ADAMTS12: variants seen among roughly 807,000 people sequenced by gnomAD.
ADAMTS12 encodes ADAM metallopeptidase with thrombospondin type 1 motif 12.
A neutral mutation model predicts 167.8 loss-of-function variants in ADAMTS12; 118 were observed. The ratio of observed to expected loss-of-function variants is 0.70; its 90% CI spans 0.61 to 0.82. The LOEUF (loss-of-function observed/expected upper bound fraction) is 0.82, where lower values mean the gene tolerates loss of function less well. ADAMTS12 is among the 40% of genes least tolerant of loss of function. ADAMTS12 has a pLI of 0.00. For missense variants in ADAMTS12, 1,916 were observed against 1,998.8 expected (o/e 0.96, Z 0.79); for synonymous variants, 704 against 716.9 (o/e 0.98, Z 0.29).
At chr5:33,861,715 C>G (rs1442747826) in intron 2 of ADAMTS12, among the ~76,000 whole-genome samples, 1 of 152,194 alleles carries the variant, frequency 6.6e-6, no homozygotes, top group Non-Finnish European at 1.5e-5. Context: ...CCCAAATCAA[C>G]AGAATACACA....
chr5:33,656,343 A>G (rs896540215), intron 7 of ADAMTS12, among the ~76,000 whole-genome samples: 1 of 152,148 alleles, frequency 6.6e-6, no homozygotes, highest in African/African-American at 2.4e-5. Context: ...ACTTTATTAG[A>G]GAAAATTTGA....
chr5:33,804,447 A>C (rs1747143561), intron 2 of ADAMTS12, among the ~76,000 whole-genome samples: 2 of 152,200 alleles, frequency 1.3e-5, no homozygotes, highest in African/African-American at 4.8e-5. Context: ...ATGAGGGGCC[A>C]AGCCCAGCTC....
At chr5:33,890,368 T>C (rs987055362) in intron 1 of ADAMTS12, among the ~76,000 whole-genome samples, 4 of 152,220 alleles carry the variant, frequency 2.6e-5, no homozygotes, top group Non-Finnish European at 5.9e-5. Flanking sequence ...CTGGACCGTT[T>C]ACACAAGTGA....
At chr5:33,790,611 G>A (rs1228957717) in intron 2 of ADAMTS12, among the ~76,000 whole-genome samples, 1 of 150,082 alleles carries the variant, frequency 6.7e-6, no homozygotes, top group East Asian at 1.9e-4. Flanking sequence ...GGATTTGTCT[G>A]TTGCTTTCTC....
chr5:33,676,166 A>C (rs1315693042), intron 5 of ADAMTS12, among the ~76,000 whole-genome samples: 1 of 152,228 alleles, frequency 6.6e-6, no homozygotes, highest in Non-Finnish European at 1.5e-5. Flanking sequence ...GACCTAGAAG[A>C]AATCATAGAA....
intron 22 of ADAMTS12, among the ~76,000 whole-genome samples, chr5:33,540,535 A>G (rs1053756566): frequency 6.6e-6 from 1 of 152,214 alleles, no homozygotes; most frequent in Admixed American, 6.5e-5. Flanking sequence ...TGTGTAGCCT[A>G]ACTGGAACAC....
intron 19 of ADAMTS12, among the ~76,000 whole-genome samples, chr5:33,569,375 G>A (rs1746188573): frequency 6.6e-6 from 1 of 152,180 alleles, no homozygotes; most frequent in African/African-American, 2.4e-5. Flanking sequence ...ACCTCACACG[G>A]TCAGGTACTC....
chr5:33,812,389 A>G (rs1485539368), intron 2 of ADAMTS12, among the ~76,000 whole-genome samples: 5 of 152,208 alleles, frequency 3.3e-5, no homozygotes, highest in African/African-American at 1.2e-4. Flanking sequence ...GCTTAAATGA[A>G]TATATCGAAA....
chr5:33,603,750 A>T (rs1425485882), intron 16 of ADAMTS12: 1 of 150,584 alleles, frequency 6.6e-6, no homozygotes, highest in East Asian at 1.9e-4. Flanking sequence ...ATATTTTAAA[A>T]ATTCAAAATA....
At chr5:33,883,019 T>A (rs1235295383) in intron 1 of ADAMTS12, among the ~76,000 whole-genome samples, 1 of 152,236 alleles carries the variant, frequency 6.6e-6, no homozygotes, top group Non-Finnish European at 1.5e-5. Context: ...AAATCCTGTT[T>A]AAGCATTCAA....
chr5:33,816,948 T>C (rs1234529167), intron 2 of ADAMTS12, among the ~76,000 whole-genome samples: 1 of 152,196 alleles, frequency 6.6e-6, no homozygotes, highest in Non-Finnish European at 1.5e-5. Flanking sequence ...CATAAACTAT[T>C]GTTTCCCTCA....
intron 2 of ADAMTS12, among the ~76,000 whole-genome samples, chr5:33,824,083 G>A (rs1747969367): frequency 6.6e-6 from 1 of 152,168 alleles, no homozygotes; most frequent in African/African-American, 2.4e-5. Flanking sequence ...GCATATCATG[G>A]TCATGAGCCA....
chr5:33,645,496 G>A lies in ADAMTS12; in HGVS notation c.1480-2026C>T, dbSNP rs1467735969. ...ATACATCATTGTCTCTTCCAACGTG[G>A]AAGTGAAAACCCACATAACCCTTTT... is the stretch of plus-strand genomic sequence containing the variant. On this transcript the variant is annotated intron_variant, in intron 9 of 23. Transcript: ENST00000504830. Among the ~76,000 whole-genome samples the A allele has an allele frequency of 1.2e-4, 18 of 152,210 alleles. 1 individual carries two copies. Among genetic ancestry groups the A allele is most frequent in the South Asian group, 2.1e-4 (1 of 4,824 alleles).
intron 10 of ADAMTS12, 52 bp downstream of exon 10, chr5:33,643,326 C>T: frequency 6.3e-7 from 1 of 1,594,908 alleles, no homozygotes; most frequent in Non-Finnish European, 8.6e-7. Flanking sequence ...CAGCTCCTCC[C>T]AAGAACTCTG....
intron 5 of ADAMTS12, among the ~76,000 whole-genome samples, chr5:33,669,182 T>C (rs926179579): frequency 1.3e-5 from 2 of 152,194 alleles, no homozygotes; most frequent in African/African-American, 4.8e-5. Flanking sequence ...AAATCATAAT[T>C]CTTTACAGTC....
chr5:33,626,568 GTGATGGTGGTGGTGATTTAATGGTAA>G (rs1739625926), intron 13 of ADAMTS12, among the ~76,000 whole-genome samples: 1 of 150,992 alleles, frequency 6.6e-6, no homozygotes, highest in Non-Finnish European at 1.5e-5. Context: ...TGGTGGTGAT[GTGATGGTGGTGGTGATTTAATGGTAA>G]TGATGGTGGT....
At chr5:33,581,042 T>C (rs1349638573) in intron 18 of ADAMTS12, among the ~76,000 whole-genome samples, 1 of 152,206 alleles carries the variant, frequency 6.6e-6, no homozygotes, top group East Asian at 1.9e-4. Context: ...ACCAAGCATA[T>C]TGGGCCTGAA....
chr5:33,762,279 C>T lies in ADAMTS12; in HGVS notation c.490-10731G>A, dbSNP rs556257221. Among the ~76,000 whole-genome samples the T allele has an allele frequency of 1.1e-4, 16 of 152,134 alleles. 1 individual carries two copies. In the East Asian group the frequency reaches 1.6e-3, roughly 15 times the overall value. ...ATCCCAGCACTTTGGGAGGCCGAGG[C>T]GGGTGGATCACGAGGTCAGGAGATC... is the stretch of plus-strand genomic sequence containing the variant. On this transcript the variant is annotated intron_variant, in intron 2 of 23. Transcript: ENST00000504830.
At chr5:33,540,219 T>C (rs1744622420) in intron 22 of ADAMTS12, among the ~76,000 whole-genome samples, 1 of 152,196 alleles carries the variant, frequency 6.6e-6, no homozygotes. Flanking sequence ...CGCAGCAGTC[T>C]GAGATCAAAT....
Sources: allele counts gnomAD v4.1 joint callset (sites outside exome capture counted in the v4.1 genomes callset), GRCh38; gene constraint gnomAD v4.1.1; transcripts MANE v1.5; gene names NCBI Gene and HGNC (gene_info 2026-07-23, HGNC 2026-07-21).